Variants in GNAO1 observed in about 807,000 individuals in gnomAD.
GNAO1 encodes the protein guanine nucleotide-binding protein G(o) subunit alpha.
For synonymous variants in GNAO1, 164 were observed against 180.7 expected, an observed-to-expected ratio of 0.91 and a Z score of 0.74; for missense variants, 166 against 478.7, an observed-to-expected ratio of 0.35 and a Z score of 6.10.
At chr16:56,336,943 C>T (rs2037746093) in intron 6 of GNAO1, 83 bp downstream of exon 6, 6 of 1,357,294 alleles carry the variant, frequency 4.4e-6, no homozygotes, top group Admixed American at 4.2e-5. Flanking sequence ...CACTGGGCCT[C>T]GGGTGCCCAC....
intron 4 of GNAO1, among the ~76,000 whole-genome samples, chr16:56,330,535 C>G (rs1211950314): frequency 2.0e-5 from 3 of 152,102 alleles, no homozygotes; most frequent in Admixed American, 6.5e-5. Flanking sequence ...TCTTCCTACT[C>G]CCCCCACCAG....
chr16:56,214,236 T>G (rs1468763311), intron 2 of GNAO1, among the ~76,000 whole-genome samples: 2 of 152,178 alleles, frequency 1.3e-5, no homozygotes, highest in African/African-American at 4.8e-5. Flanking sequence ...TGGCCCTAGC[T>G]CTGCATCTGC....
chr16:56,317,726 G>A (rs918204800), intron 3 of GNAO1, among the ~76,000 whole-genome samples: 3 of 152,136 alleles, frequency 2.0e-5, no homozygotes, highest in Non-Finnish European at 4.4e-5. Context: ...GCTGGCTGGA[G>A]AAGGGATGAT....
intron 5 of GNAO1, 121 bp downstream of exon 5, chr16:56,334,978 G>C (rs2037727035): frequency 3.0e-6 from 3 of 998,918 alleles, no homozygotes; most frequent in Non-Finnish European, 1.5e-6. Flanking sequence ...TGCGGGCTGG[G>C]GCAGGCAGCT....
At chr16:56,218,921 C>T (rs2036459492) in intron 2 of GNAO1, among the ~76,000 whole-genome samples, 1 of 152,186 alleles carries the variant, frequency 6.6e-6, no homozygotes, top group South Asian at 2.1e-4. Flanking sequence ...CCTCACTTTA[C>T]ACTGCTCCTT....
intron 2 of GNAO1, among the ~76,000 whole-genome samples, chr16:56,243,011 A>T (rs2036709262): frequency 6.6e-6 from 1 of 151,942 alleles, no homozygotes; most frequent in African/African-American, 2.4e-5. Context: ...TTCTTATAGG[A>T]ATGGGAACGC....
At chr16:56,286,959 G>A (rs751810680) in intron 3 of GNAO1, among the ~76,000 whole-genome samples, 6 of 152,172 alleles carry the variant, frequency 3.9e-5, no homozygotes, top group African/African-American at 9.7e-5. Flanking sequence ...GTGCTGCCCC[G>A]TGCAGGAGAT....
Position 56,351,924 on chromosome 16 carries a change from T to A in GNAO1, c.877+387T>A, listed in dbSNP as rs2037925566. The A allele has an allele frequency of 5.4e-6, 1 of 185,822 alleles. No individual in the cohort carries two copies. Among genetic ancestry groups the A allele is most frequent in the South Asian group, 1.4e-4 (1 of 7,394 alleles). 11.5% of individuals were successfully genotyped at this position (185,822 alleles called of 1,614,324 possible). Reference sequence around the variant, plus strand: ...CCTGCCCAGAGCCCCACAGCACCTTTGCATGAAACCGAAAAGTGGACACGT... The same window carrying A: ...CCTGCCCAGAGCCCCACAGCACCTTAGCATGAAACCGAAAAGTGGACACGT... On this transcript the variant is annotated intron_variant, in intron 7 of 8. Transcript: ENST00000262493. This position sits in a 1 kb window ranked among gnomAD's most constrained non-coding sequence, Gnocchi z 6.1.
intron 2 of GNAO1, among the ~76,000 whole-genome samples, chr16:56,259,759 A>G (rs745613356): frequency 1.6e-4 from 25 of 152,342 alleles, no homozygotes; most frequent in Non-Finnish European, 3.4e-4. Context: ...AAAGAGGGGT[A>G]AGAGTTTATG....
chr16:56,262,451 T>C (rs1385569672), intron 2 of GNAO1, among the ~76,000 whole-genome samples: 3 of 152,194 alleles, frequency 2.0e-5, no homozygotes, highest in Non-Finnish European at 4.4e-5. Flanking sequence ...TTTGTGGTCT[T>C]TTCTCTTTCC....
intron 2 of GNAO1, among the ~76,000 whole-genome samples, chr16:56,210,224 T>C (rs942876087): frequency 2.0e-5 from 3 of 152,226 alleles, no homozygotes; most frequent in African/African-American, 4.8e-5. Context: ...GGCCCCTCCA[T>C]GTGTTTTCAT....
In GNAO1 at chr16:56,281,518, C is replaced by T. The variant is rs1156738350; in HGVS notation, c.303+5446C>T. 2.6e-5 allele frequency among the ~76,000 whole-genome samples: 4 copies of T among 152,096 alleles called. No individual in the cohort carries two copies. The East Asian group carries it at 7.7e-4, about 29-fold the overall frequency. ...TTTTCTTCATCTCCCTTTCCCCTCC[C>T]CTTCTATCTCTCCCTTTCCCGCCTT... is the stretch of plus-strand genomic sequence containing the variant. On this transcript the variant is annotated intron_variant, in intron 3 of 8. Transcript: ENST00000262493.
At position 56,230,401 on chromosome 16, in the gene GNAO1, A is replaced by C. The variant is rs10163308; in HGVS notation, c.161+37785A>C. Reference sequence around the variant, plus strand: ...CTGGATGAGGGCTTCATCTGGGTGAATGGGCCTTCAGCAAACAGTGCCTCG... The same window carrying C: ...CTGGATGAGGGCTTCATCTGGGTGACTGGGCCTTCAGCAAACAGTGCCTCG... On this transcript the variant is annotated intron_variant, in intron 2 of 8. Coordinates refer to ENST00000262493, the MANE Select transcript of GNAO1 (RefSeq NM_020988.3). Among the ~76,000 whole-genome samples, 1,267 of 152,280 alleles carry C rather than the reference A, an allele frequency of 8.3e-3. 21 individuals carry two copies. The highest frequency in any genetic ancestry group is 0.028 in the African/African-American group (1,162 of 41,544).
chr16:56,343,487 CA>C lies in GNAO1; in HGVS notation c.723+6643del, dbSNP rs5817055. 7.2e-3 allele frequency among the ~76,000 whole-genome samples: 961 copies of C among 134,274 alleles called. 9 individuals carry two copies. Among genetic ancestry groups the C allele is most frequent in the African/African-American group, 0.023 (824 of 35,540 alleles). The allele number at this position is 134,274 out of a possible 152,430, so 88.1% of individuals were successfully genotyped here. A position where few individuals can be genotyped will look rare whatever the true frequency, so the allele number is the denominator to read the frequency against. Reference sequence around the variant, plus strand: ...TGAGCAACAGAGCAAGACCCTATCTCAAAAAAAAAAAAAAAAGATAAATACA... The same window carrying C: ...TGAGCAACAGAGCAAGACCCTATCTCAAAAAAAAAAAAAAAGATAAATACA... On this transcript the variant is annotated intron_variant, in intron 6 of 8. Coordinates refer to ENST00000262493, the MANE Select transcript of GNAO1 (RefSeq NM_020988.3).
At position 56,236,989 on chromosome 16, in the gene GNAO1, G is replaced by A. The variant is rs147580227; in HGVS notation, c.162-38942G>A. Among the ~76,000 whole-genome samples the A allele has an allele frequency of 6.7e-3, 1,018 of 152,318 alleles. 17 individuals are homozygous for A. Among genetic ancestry groups the A allele is most frequent in the African/African-American group, 0.023 (964 of 41,556 alleles). Reference sequence around the variant, plus strand: ...GTTTACTTAATTTATCTGTGCCTCAGTAGCCTCATCTGTAAGAGTAGAATT... The same window carrying A: ...GTTTACTTAATTTATCTGTGCCTCAATAGCCTCATCTGTAAGAGTAGAATT... On this transcript the variant is annotated intron_variant, in intron 2 of 8. Coordinates refer to ENST00000262493, the MANE Select transcript of GNAO1 (RefSeq NM_020988.3).
At chr16:56,298,173 AAAAAT>A (rs2037306685) in intron 3 of GNAO1, among the ~76,000 whole-genome samples, 1 of 152,208 alleles carries the variant, frequency 6.6e-6, no homozygotes, top group Non-Finnish European at 1.5e-5. Context: ...CCCTGTCTCA[AAAAAT>A]AAAATAAAAT....
At chr16:56,281,662 C>T (rs1163967864) in intron 3 of GNAO1, among the ~76,000 whole-genome samples, 2 of 152,024 alleles carry the variant, frequency 1.3e-5, no homozygotes, top group African/African-American at 4.8e-5. Flanking sequence ...ATTGTCTTCA[C>T]CTTCTGAGCC....
chr16:56,275,466 T>C (rs1344614084), intron 2 of GNAO1, among the ~76,000 whole-genome samples: 2 of 152,234 alleles, frequency 1.3e-5, no homozygotes, highest in African/African-American at 4.8e-5. Flanking sequence ...TTGTCTTAAG[T>C]GAATCATTTT....
intron 2 of GNAO1, among the ~76,000 whole-genome samples, chr16:56,262,292 G>A (rs1288076388): frequency 6.6e-6 from 1 of 152,214 alleles, no homozygotes; most frequent in East Asian, 1.9e-4. Flanking sequence ...AACCCAGATA[G>A]GAGCCCTCCC....
Sources: gnomAD v4.1 joint callset for allele counts (sites outside exome capture counted in the v4.1 genomes callset) on GRCh38, gnomAD v4.1.1 for gene constraint, Gnocchi (gnomAD v3.1) non-coding constraint, MANE v1.5 for transcripts, NCBI Gene and HGNC (gene_info 2026-07-23, HGNC 2026-07-21) for gene names.